The following ATP9A variants were observed in gnomAD, a reference collection of about 807,000 sequenced individuals.
ATP9A encodes probable phospholipid-transporting ATPase IIA.
Under a neutral mutation model 144.1 loss-of-function variants are expected in ATP9A, and 52 were observed. The ratio of observed to expected loss-of-function variants is 0.36; its 90% CI spans 0.29 to 0.45. The LOEUF is 0.45. ATP9A is among the 20% of genes least tolerant of loss of function. ATP9A has a pLI of 1.00. For missense variants in ATP9A, 947 were observed against 1,392.7 expected, an observed-to-expected ratio of 0.68 and a Z score of 5.09; for synonymous variants, 582 against 557.4, an observed-to-expected ratio of 1.04 and a Z score of -0.62.
At chr20:51,653,028 T>C (rs2077373356) in intron 14 of ATP9A, among the ~76,000 whole-genome samples, 1 of 150,380 alleles carries the variant, frequency 6.6e-6, no homozygotes, top group Non-Finnish European at 1.5e-5. Flanking sequence ...AAGAATGTTG[T>C]GAACCCGGGA....
chr20:51,709,658 C>T (rs769080471), intron 4 of ATP9A, among the ~76,000 whole-genome samples: 21 of 152,088 alleles, frequency 1.4e-4, no homozygotes, highest in Non-Finnish European at 2.9e-4. Flanking sequence ...GCCTGGAAGG[C>T]GGAGGTTGCA....
chr20:51,766,954 T>C (rs896111504), intron 1 of ATP9A, among the ~76,000 whole-genome samples: 1 of 152,072 alleles, frequency 6.6e-6, no homozygotes, highest in Non-Finnish European at 1.5e-5. Flanking sequence ...GTCTTCCCTA[T>C]AGCCCTTAAC....
At chr20:51,755,789 A>G (rs2077853279) in intron 1 of ATP9A, among the ~76,000 whole-genome samples, 1 of 152,042 alleles carries the variant, frequency 6.6e-6, no homozygotes, top group African/African-American at 2.4e-5. Flanking sequence ...CCTCGTCTCT[A>G]TGAAAAATAC....
At position 51,688,950 on chromosome 20, in the gene ATP9A, A is replaced by T. The variant is rs1207906469; in HGVS notation, c.799+114T>A. 7 of 1,161,522 alleles carry T rather than the reference A, an allele frequency of 6.0e-6. No individual in the cohort carries two copies. In the East Asian group the frequency reaches 1.6e-4, roughly 27 times the overall value. The allele number at this position is 1,161,522 out of a possible 1,614,324, so 72.0% of individuals were successfully genotyped here. On this transcript the variant is annotated intron_variant, in intron 9 of 27. Transcript: ENST00000338821. ...CCCTGGAGGTGTCGGAACAAGTGGA[A>T]AATGCCATTTGACCGAGCACTCATT... is the stretch of plus-strand genomic sequence containing the variant.
Position 51,692,377 on chromosome 20 carries a change from G to GT in ATP9A, c.643-1559dup, listed in dbSNP as rs549550333. On this transcript the variant is annotated intron_variant, in intron 7 of 27. Transcript: ENST00000338821. ...TTCAAAGCAGCATATGTGAAGTGGCGTAAGACAGGCACAGTCAGGGGGAGC... is the reference window on the plus strand; with the variant it reads ...TTCAAAGCAGCATATGTGAAGTGGCGTTAAGACAGGCACAGTCAGGGGGAGC... Among the ~76,000 whole-genome samples the GT allele has an allele frequency of 3.6e-3, 543 of 152,316 alleles. 1 individual carries two copies. The highest frequency in any genetic ancestry group is 6.4e-3 in the Non-Finnish European group (433 of 68,016).
chr20:51,702,583 C>T (rs117381684), intron 4 of ATP9A, among the ~76,000 whole-genome samples: 2 of 152,172 alleles, frequency 1.3e-5, no homozygotes, highest in Non-Finnish European at 2.9e-5. Context: ...CTCCAAGGAG[C>T]TCTCAAGTTG....
intron 2 of ATP9A, among the ~76,000 whole-genome samples, chr20:51,727,955 A>G (rs1300176668): frequency 6.6e-6 from 1 of 150,982 alleles, no homozygotes; most frequent in Non-Finnish European, 1.5e-5. Context: ...AGCTATGTCC[A>G]CAACATGACC....
At chr20:51,680,751 C>T (rs1427383202) in intron 9 of ATP9A, among the ~76,000 whole-genome samples, 1 of 152,066 alleles carries the variant, frequency 6.6e-6, no homozygotes, top group Non-Finnish European at 1.5e-5. Flanking sequence ...GCGTTGAGAA[C>T]TAGAAGGAAA....
At chr20:51,614,447 T>A (rs932413928) in intron 22 of ATP9A, among the ~76,000 whole-genome samples, 1 of 152,112 alleles carries the variant, frequency 6.6e-6, no homozygotes, top group Non-Finnish European at 1.5e-5. Flanking sequence ...AGCACAGACA[T>A]GCACCACCAC....
intron 1 of ATP9A, among the ~76,000 whole-genome samples, chr20:51,751,234 A>ATT (rs11480682): frequency 2.1e-5 from 3 of 143,648 alleles, no homozygotes; most frequent in Admixed American, 7.0e-5. Flanking sequence ...AACTCTTGAG[A>ATT]TTTTTTAACG....
At chr20:51,668,313 T>C in intron 13 of ATP9A, among the ~76,000 whole-genome samples, 1 of 151,046 alleles carries the variant, frequency 6.6e-6, no homozygotes, top group Non-Finnish European at 1.5e-5. Context: ...CAAGCAGCCC[T>C]GGGAGAGAAT....
chr20:51,627,674 T>C lies in ATP9A; in HGVS notation c.1771A>G (p.Met591Val). 1.2e-6 allele frequency: 2 copies of C among 1,614,154 alleles called. No homozygotes were observed. Among genetic ancestry groups the C allele is most frequent in the Non-Finnish European group, 1.7e-6 (2 of 1,180,018 alleles). ...NDWLEEECGN[M>V]AREGLRVLVV... ...AGCACCCGCAGCCCTTCTCGGGCCA[T>C]GTTGCCACACTGAAAAATAGACCAC... is the stretch of plus-strand genomic sequence containing the variant. Residue 591 changes from methionine (M) to valine (V), a missense_variant, in exon 17 of 28, where the codon ATG becomes GTG. Physicochemically the swap from Met to Val is conservative, Grantham distance 21. Coordinates refer to ENST00000338821, the MANE Select transcript of ATP9A (RefSeq NM_006045.3).
At chr20:51,649,038 G>A (rs770604691) in intron 14 of ATP9A, among the ~76,000 whole-genome samples, 33 of 151,912 alleles carry the variant, frequency 2.2e-4, no homozygotes, top group Non-Finnish European at 4.4e-4. Flanking sequence ...CACCAAGCTC[G>A]GAAGCTTCCC....
intron 14 of ATP9A, among the ~76,000 whole-genome samples, chr20:51,651,374 C>A (rs771972428): frequency 2.9e-4 from 27 of 93,770 alleles, no homozygotes; most frequent in Non-Finnish European, 5.7e-4. Context: ...ATATATATTT[C>A]TTTACATATT....
chr20:51,751,737 A>G (rs1027448709), intron 1 of ATP9A, among the ~76,000 whole-genome samples: 5 of 151,976 alleles, frequency 3.3e-5, no homozygotes, highest in Admixed American at 1.3e-4. Flanking sequence ...GCAGGCGCCC[A>G]CCACCACGCC....
intron 4 of ATP9A, among the ~76,000 whole-genome samples, chr20:51,705,201 A>C (rs2077610138): frequency 1.3e-5 from 2 of 152,216 alleles, no homozygotes; most frequent in African/African-American, 4.8e-5. Flanking sequence ...CTGATTAACC[A>C]CAATGACATA....
intron 2 of ATP9A, among the ~76,000 whole-genome samples, chr20:51,726,240 G>C (rs1217677399): frequency 6.7e-6 from 1 of 148,996 alleles, no homozygotes; most frequent in Non-Finnish European, 1.5e-5. Context: ...TTGAACCCGG[G>C]AGGAGGAAGT....
chr20:51,744,594 A>C (rs2077799550), intron 1 of ATP9A, among the ~76,000 whole-genome samples: 1 of 152,230 alleles, frequency 6.6e-6, no homozygotes, highest in South Asian at 2.1e-4. Flanking sequence ...TGAAATGCAA[A>C]AGCAAATATT....
chr20:51,763,470 A>T (rs146985424), intron 1 of ATP9A, among the ~76,000 whole-genome samples: 1 of 150,904 alleles, frequency 6.6e-6, no homozygotes, highest in Non-Finnish European at 1.5e-5. Context: ...CCGCCACCAC[A>T]CCCAGCTAAT....
Sources: allele counts gnomAD v4.1 joint callset (sites outside exome capture counted in the v4.1 genomes callset), GRCh38; gene constraint gnomAD v4.1.1; transcripts MANE v1.5; gene names NCBI Gene and HGNC (gene_info 2026-07-23, HGNC 2026-07-21).